Variants in ALDH18A1 observed in about 807,000 individuals in gnomAD.
ALDH18A1 encodes the protein aldehyde dehydrogenase 18 family member A1, also known as delta-1-pyrroline-5-carboxylate synthase.
In ALDH18A1, 44 loss-of-function variants were observed where a neutral mutation model predicts 88.8. That is an observed-to-expected ratio of 0.50 (90% CI 0.39 to 0.64). The LOEUF (loss-of-function observed/expected upper bound fraction) is 0.64, where lower values mean the gene tolerates loss of function less well. Among genes scored for constraint, ALDH18A1 ranks in the 30% least tolerant of loss-of-function variants. The pLI, the probability that ALDH18A1 is intolerant of heterozygous loss-of-function variation, is 0.00. For synonymous variants in ALDH18A1, 331 were observed against 372.1 expected, an observed-to-expected ratio of 0.89 and a Z score of 1.27; for missense variants, 782 against 1,009.5, an observed-to-expected ratio of 0.77 and a Z score of 3.05.
intron 5 of ALDH18A1, 106 bp downstream of exon 5, chr10:95,636,987 A>G: frequency 9.7e-7 from 1 of 1,036,256 alleles, no homozygotes; most frequent in Non-Finnish European, 1.5e-6. Flanking sequence ...TCAAGTAGCA[A>G]GTGATGAAGC....
chr10:95,641,452 A>T (rs2097891251), intron 3 of ALDH18A1, among the ~76,000 whole-genome samples: 1 of 139,832 alleles, frequency 7.2e-6, no homozygotes, highest in Admixed American at 7.9e-5. Flanking sequence ...TGATGGACTC[A>T]ATCTGGGAGG....
intron 1 of ALDH18A1, among the ~76,000 whole-genome samples, chr10:95,656,099 A>G (rs967702474): frequency 6.6e-6 from 1 of 152,108 alleles, no homozygotes; most frequent in African/African-American, 2.4e-5. Context: ...GGAGGGGATG[A>G]TGAACGCCTG....
intron 8 of ALDH18A1, 117 bp downstream of exon 8, chr10:95,628,247 TTAAG>T: frequency 7.3e-7 from 1 of 1,374,980 alleles, no homozygotes; most frequent in African/African-American, 1.4e-5. Flanking sequence ...ATGTACATAT[TTAAG>T]TGTGTATGTG....
intron 17 of ALDH18A1, among the ~76,000 whole-genome samples, chr10:95,608,586 C>T (rs1409863409): frequency 4.6e-5 from 7 of 152,230 alleles, no homozygotes; most frequent in African/African-American, 1.4e-4. Context: ...ACTGCAGCCT[C>T]GAACTCCTGG....
At chr10:95,615,258 G>A (rs1038335844) in intron 13 of ALDH18A1, among the ~76,000 whole-genome samples, 19 of 151,798 alleles carry the variant, frequency 1.3e-4, no homozygotes, top group African/African-American at 4.4e-4. Flanking sequence ...CTTGAGCCTA[G>A]GAGGCTGAGG....
chr10:95,632,031 A>G (rs979790520), intron 7 of ALDH18A1, among the ~76,000 whole-genome samples: 4 of 152,256 alleles, frequency 2.6e-5, no homozygotes, highest in African/African-American at 9.6e-5. Flanking sequence ...ACAGAGTGGA[A>G]TATTATTCAG....
chr10:95,646,391 T>G (rs1482744486), intron 2 of ALDH18A1, among the ~76,000 whole-genome samples: 2 of 152,144 alleles, frequency 1.3e-5, no homozygotes, highest in Admixed American at 1.3e-4. Flanking sequence ...TCAAGGGTCA[T>G]TCTGGCTGGA....
intron 3 of ALDH18A1, among the ~76,000 whole-genome samples, chr10:95,637,689 C>T (rs942290590): frequency 6.6e-6 from 1 of 152,126 alleles, no homozygotes; most frequent in African/African-American, 2.4e-5. Flanking sequence ...AAACAATTGG[C>T]TGGGCATGGT....
intron 3 of ALDH18A1, among the ~76,000 whole-genome samples, chr10:95,641,891 C>T (rs1413579337): frequency 6.6e-6 from 1 of 152,142 alleles, no homozygotes; most frequent in Non-Finnish European, 1.5e-5. Context: ...ATCCTTCTGC[C>T]TCAGCCTTCC....
At chr10:95,655,124 TTTCTTTATTA>T (rs201012147) in intron 1 of ALDH18A1, among the ~76,000 whole-genome samples, 1,989 of 62,552 alleles carry the variant, frequency 0.032, 42 homozygotes, top group African/African-American at 0.072. Context: ...TTACCCAATT[TTTCTTTATTA>T]TTATTATTAT....
At chr10:95,636,205 T>C (rs56322409) in intron 5 of ALDH18A1, among the ~76,000 whole-genome samples, 42,055 of 152,124 alleles carry the variant, frequency 0.28, 6,785 homozygotes, top group Admixed American at 0.4. Context: ...TATGTATATA[T>C]AACAATATCA....
Position 95,616,523 on chromosome 10 carries a change from G to C in ALDH18A1, c.1559C>G (p.Thr520Ser), listed in dbSNP as rs148127786. The change falls in exon 13 of 18, where the codon ACC (threonine) becomes AGC (serine). Residue 520 changes from threonine to serine, a missense_variant. This residue lies in a region of ALDH18A1 where 556 missense variants were observed against 654.5 expected (regional missense o/e 0.85). Coordinates refer to ENST00000371224, the MANE Select transcript of ALDH18A1 (RefSeq NM_002860.4). ...AHSNRILHLLTQEALSIHGVK... is the reference protein window; with the variant it reads ...AHSNRILHLLSQEALSIHGVK... ...TCCATGGATTGAGAGAGCCTCCTGG[G>C]TCAGGAGGTGGAGAATCCGGTTGCT... 1.3e-6 allele frequency: 2 copies of C among 1,581,074 alleles called. No individual in the cohort carries two copies. The highest frequency in any genetic ancestry group is 2.7e-5 in the African/African-American group (2 of 74,664).
At chr10:95,609,611 A>G (rs1257913652) in intron 17 of ALDH18A1, among the ~76,000 whole-genome samples, 1 of 152,150 alleles carries the variant, frequency 6.6e-6, no homozygotes, top group African/African-American at 2.4e-5. Context: ...GCAAGTTACT[A>G]TACTTCTCTG....
Position 95,610,301 on chromosome 10 carries a change from TGAA to T in ALDH18A1, c.2111-12_2111-10del, listed in dbSNP as rs763574839. The T allele has an allele frequency of 1.8e-5, 29 of 1,613,510 alleles. 1 individual carries two copies. The highest frequency in any genetic ancestry group is 1.2e-4 in the Admixed American group (7 of 59,984). ...GAACTCCGCTGTGTTTTCTGCAGGG[TGAA>T]GAAGGAGAAACCAAGTTAGGATGAT... On this transcript the variant is annotated splice_polypyrimidine_tract_variant and intron_variant, in intron 16 of 17. Coordinates refer to ENST00000371224, the MANE Select transcript of ALDH18A1 (RefSeq NM_002860.4).
At chr10:95,634,135 T>C (rs116668980) in intron 5 of ALDH18A1, among the ~76,000 whole-genome samples, 2,573 of 152,312 alleles carry the variant, frequency 0.017, 75 homozygotes, top group African/African-American at 0.058. Context: ...TATTTAAGAA[T>C]GTTCAAGACT....
In ALDH18A1 at chr10:95,631,436, A is replaced by G. The variant is rs7919622; in HGVS notation, c.808+1523T>C. ...CACACCCATTAGGATGGCTATAATA[A>G]AAAAGGCAGATAAAAACAACTGAAT... On this transcript the variant is annotated intron_variant, in intron 7 of 17. Coordinates refer to ENST00000371224, the MANE Select transcript of ALDH18A1 (RefSeq NM_002860.4). Among the ~76,000 whole-genome samples the G allele has an allele frequency of 2.6e-3, 403 of 152,286 alleles. 4 individuals carry two copies. Among genetic ancestry groups the G allele is most frequent in the African/African-American group, 9.0e-3 (372 of 41,544 alleles).
chr10:95,622,663 G>A (rs1450495705), intron 11 of ALDH18A1, among the ~76,000 whole-genome samples: 2 of 152,082 alleles, frequency 1.3e-5, no homozygotes, highest in African/African-American at 4.8e-5. Flanking sequence ...TCAGCCTTCT[G>A]AGTAGCTGGG....
chr10:95,627,578 T>G lies in ALDH18A1; in HGVS notation c.942A>C (p.Ala314=). 1 of 1,614,128 alleles carries G rather than the reference T, an allele frequency of 6.2e-7. No individual in the cohort carries two copies. Among genetic ancestry groups the G allele is most frequent in the Admixed American group, 1.7e-5 (1 of 60,024 alleles). ...GMGGMEAKVK[A]ALWALQGGTS... is the part of the protein sequence containing the mutation. ...TGCCACCTTGCAAAGCCCAGAGGGC[T>G]GCTTTCACCTAATGAGACAGGTTAG... Residue 314 remains alanine (A), a synonymous_variant, in exon 9 of 18, where the codon GCA becomes GCC. Coordinates refer to ENST00000371224, the MANE Select transcript of ALDH18A1 (RefSeq NM_002860.4).
At position 95,637,284 on chromosome 10, in the gene ALDH18A1, C is replaced by T. The variant is rs749221468; in HGVS notation, c.453+3G>A. 1 of 1,614,104 alleles carries T rather than the reference C, an allele frequency of 6.2e-7. No homozygotes were observed. On this transcript the variant is annotated splice_donor_region_variant and intron_variant, in intron 4 of 17. Transcript: ENST00000371224. ...TTTCAATGTGTGGGGAAGCAGCACT[C>T]ACCATTTCTTTCAGCTGGTTCTGCC...
Sources: allele counts gnomAD v4.1 joint callset (sites outside exome capture counted in the v4.1 genomes callset), GRCh38; gene constraint gnomAD v4.1.1; regional missense constraint gnomAD v4.1.1; transcripts MANE v1.5; gene names NCBI Gene and HGNC (gene_info 2026-07-23, HGNC 2026-07-21).